The following PABPC4L variants were observed in gnomAD, a reference collection of about 807,000 sequenced individuals.
The protein encoded by PABPC4L is polyadenylate-binding protein 4-like.
For synonymous variants in PABPC4L, 169 were observed against 164.1 expected, an observed-to-expected ratio of 1.03 and a Z score of -0.23; for missense variants, 452 against 451.4, an observed-to-expected ratio of 1.00 and a Z score of -0.01.
chr4:134,115,756 A>T, the PABPC4L span, among the ~76,000 whole-genome samples: 1 of 151,826 alleles, frequency 6.6e-6, no homozygotes, highest in South Asian at 2.1e-4. Context: ...TGCCTGAAGA[A>T]TAATATAGTG....
the PABPC4L span, among the ~76,000 whole-genome samples, chr4:134,092,773 A>T: frequency 6.6e-6 from 1 of 151,968 alleles, no homozygotes; most frequent in African/African-American, 2.4e-5. Flanking sequence ...GGTGAGCAAA[A>T]CAAGCCATCC....
At chr4:134,013,867 A>G in the PABPC4L span, among the ~76,000 whole-genome samples, 1 of 151,338 alleles carries the variant, frequency 6.6e-6, no homozygotes, top group East Asian at 2.0e-4. Flanking sequence ...CTCAGGCTCC[A>G]CTCCTCCACC....
chr4:134,036,948 C>T, the PABPC4L span, among the ~76,000 whole-genome samples: 1 of 151,228 alleles, frequency 6.6e-6, no homozygotes, highest in African/African-American at 2.4e-5. Flanking sequence ...CCCAGCTACT[C>T]GGGAGGCTGA....
At chr4:134,064,180 A>G in the PABPC4L span, among the ~76,000 whole-genome samples, 2 of 152,094 alleles carry the variant, frequency 1.3e-5, no homozygotes. Context: ...TCCGATGAGT[A>G]TTGGCTTGTC....
chr4:134,066,980 T>A, the PABPC4L span, among the ~76,000 whole-genome samples: 3 of 152,004 alleles, frequency 2.0e-5, no homozygotes, highest in Non-Finnish European at 4.4e-5. Context: ...TTTTTACCAA[T>A]AATATTGCCT....
At chr4:134,184,876 T>C in the PABPC4L span, among the ~76,000 whole-genome samples, 1 of 150,994 alleles carries the variant, frequency 6.6e-6, no homozygotes, top group East Asian at 2.0e-4. Flanking sequence ...TTTTGGATTT[T>C]GGCTATTCTA....
the PABPC4L span, among the ~76,000 whole-genome samples, chr4:134,063,768 A>T: frequency 1.3e-5 from 2 of 152,098 alleles, no homozygotes; most frequent in Non-Finnish European, 2.9e-5. Flanking sequence ...TAAATACTAT[A>T]ACCAGACCAA....
the PABPC4L span, among the ~76,000 whole-genome samples, chr4:134,132,442 G>A: frequency 6.6e-6 from 1 of 151,586 alleles, no homozygotes. Context: ...TGAACAAATG[G>A]CAAATAAACA....
the PABPC4L span, among the ~76,000 whole-genome samples, chr4:134,094,654 GA>G: frequency 6.6e-5 from 10 of 151,736 alleles, no homozygotes; most frequent in Admixed American, 5.9e-4. Context: ...CCAAGTTACT[GA>G]AAAATATGTT....
chr4:134,022,139 C>T, the PABPC4L span, among the ~76,000 whole-genome samples: 1 of 152,086 alleles, frequency 6.6e-6, no homozygotes, highest in Admixed American at 6.6e-5. Context: ...TGCTGCTAAC[C>T]CGGCTTCCTT....
chr4:134,021,635 A>G, the PABPC4L span, among the ~76,000 whole-genome samples: 1 of 152,190 alleles, frequency 6.6e-6, no homozygotes, highest in South Asian at 2.1e-4. Context: ...GTTAAGGACC[A>G]TAATTAGCTA....
the PABPC4L span, among the ~76,000 whole-genome samples, chr4:134,162,670 G>T: frequency 1.3e-5 from 2 of 151,928 alleles, no homozygotes; most frequent in Non-Finnish European, 1.5e-5. Flanking sequence ...TCTTCTCAAG[G>T]CCACAGTGAA....
downstream of PABPC4L, among the ~76,000 whole-genome samples, chr4:134,194,651 AT>A (rs367978829): frequency 4.3e-3 from 648 of 151,780 alleles, 5 homozygotes; most frequent in African/African-American, 0.014. Flanking sequence ...TTCACCATAT[AT>A]TTTTTCATAA....
At chr4:134,076,632 C>G in the PABPC4L span, among the ~76,000 whole-genome samples, 1 of 151,976 alleles carries the variant, frequency 6.6e-6, no homozygotes. Flanking sequence ...GTAATCTTTG[C>G]GGGCAAGTAA....
At chr4:134,137,965 G>T in the PABPC4L span, among the ~76,000 whole-genome samples, 1 of 151,716 alleles carries the variant, frequency 6.6e-6, no homozygotes, top group Admixed American at 6.6e-5. Context: ...GAGCCCATAT[G>T]TGAGAAATTC....
chr4:134,096,827 A>C, the PABPC4L span, among the ~76,000 whole-genome samples: 94 of 152,118 alleles, frequency 6.2e-4, 1 homozygote, highest in Non-Finnish European at 1.2e-3. Context: ...TTTAAATCAC[A>C]TTTGGTGTCC....
chr4:134,011,062 C>A, the PABPC4L span, among the ~76,000 whole-genome samples: 1 of 151,900 alleles, frequency 6.6e-6, no homozygotes, highest in Non-Finnish European at 1.5e-5. Context: ...ATAATACATT[C>A]CTCTGAATAA....
chr4:134,012,694 A>T, the PABPC4L span, among the ~76,000 whole-genome samples: 1 of 152,164 alleles, frequency 6.6e-6, no homozygotes, highest in African/African-American at 2.4e-5. Flanking sequence ...TCTTTGCTCC[A>T]TGAGAAAGAT....
chr4:134,143,044 G>T, the PABPC4L span, among the ~76,000 whole-genome samples: 1 of 151,380 alleles, frequency 6.6e-6, no homozygotes, highest in South Asian at 2.1e-4. Flanking sequence ...GGCAGTAAGG[G>T]AATCTTTCAC....
Sources: gnomAD v4.1 joint callset for allele counts (sites outside exome capture counted in the v4.1 genomes callset) on GRCh38, gnomAD v4.1.1 for gene constraint, MANE v1.5 for transcripts, NCBI Gene and HGNC (gene_info 2026-07-23, HGNC 2026-07-21) for gene names.